The following KLHL2 variants were observed in gnomAD, a reference collection of about 807,000 sequenced individuals.
The protein encoded by KLHL2 is kelch-like protein 2.
Under a neutral mutation model 75.8 loss-of-function variants are expected in KLHL2, and 15 were observed. The observed-to-expected ratio is 0.20, with a 90% CI of 0.13 to 0.30. The LOEUF (loss-of-function observed/expected upper bound fraction) is 0.30. KLHL2 is among the 10% of genes least tolerant of loss of function. The pLI is 1.00. For synonymous variants in KLHL2, 214 were observed against 251.9 expected (o/e 0.85, Z 1.42); for missense variants, 381 against 741.0 (o/e 0.51, Z 5.64).
rs143998710 is a variant in KLHL2 at position 165,218,190 on chromosome 4, A to G, written c.27-1744A>G. On this transcript the variant is annotated intron_variant, in intron 1 of 14. Transcript: ENST00000226725. ...TGACCCGTGTAGAGTGTTCTCAACC[A>G]GCAGCCAAAGTGGTCTTTGGAAAAC... 5.9e-3 allele frequency among the ~76,000 whole-genome samples: 897 copies of G among 152,256 alleles called. 11 individuals carry two copies. Among genetic ancestry groups the G allele is most frequent in the African/African-American group, 0.02 (848 of 41,540 alleles).
intron 2 of KLHL2, among the ~76,000 whole-genome samples, chr4:165,225,457 A>G (rs1738360538): frequency 1.3e-5 from 2 of 152,212 alleles, no homozygotes; most frequent in Admixed American, 6.5e-5. Flanking sequence ...CTAAATAACA[A>G]CTTATTTATA....
intron 13 of KLHL2, 124 bp from the exon 14 acceptor site, chr4:165,317,702 T>G: frequency 1.4e-6 from 1 of 727,812 alleles, no homozygotes; most frequent in Non-Finnish European, 2.3e-6. Flanking sequence ...TGCTCACTAT[T>G]TTCTCTTCTT....
chr4:165,208,012 G>A, intron 1 of KLHL2, 110 bp downstream of exon 1: 1 of 723,606 alleles, frequency 1.4e-6, no homozygotes. Flanking sequence ...CCGGCGGGAG[G>A]TGGGAGATGC....
rs1746832244 is a variant in KLHL2 at position 165,319,764 on chromosome 4, G to A, written c.1753+1795G>A. ...AGCTTCCTGAGTAGCTGGGATTACAGGGATGTGCCACCACACCTGGCTAAT... is the reference window on the plus strand; with the variant it reads ...AGCTTCCTGAGTAGCTGGGATTACAAGGATGTGCCACCACACCTGGCTAAT... On this transcript the variant is annotated intron_variant, in intron 14 of 14. Coordinates refer to ENST00000226725, the MANE Select transcript of KLHL2 (RefSeq NM_007246.4). The surrounding 1 kb of genome is among the most constrained non-coding windows in gnomAD (Gnocchi z 4.5). 6.6e-6 allele frequency among the ~76,000 whole-genome samples: 1 copy of A among 151,984 alleles called. No individual in the cohort carries two copies. Among genetic ancestry groups the A allele is most frequent in the South Asian group, 2.1e-4 (1 of 4,820 alleles).
chr4:165,299,530 C>A lies in KLHL2; in HGVS notation c.795C>A (p.Val265=). The A allele has an allele frequency of 6.2e-7, 1 of 1,612,414 alleles. No individual in the cohort carries two copies. The highest frequency in any genetic ancestry group is 1.1e-5 in the South Asian group (1 of 90,810). ...AGAGGGTTGAAGAGGAAGCATTGGTCAAGAATAGCAGTGCTTGCAAAGATT... is the reference window on the plus strand; with the variant it reads ...AGAGGGTTGAAGAGGAAGCATTGGTAAAGAATAGCAGTGCTTGCAAAGATT... ...LVQRVEEEAL[V]KNSSACKDYL... is the part of the protein sequence containing the mutation. Residue 265 remains valine, a synonymous_variant, in exon 8 of 15, where the codon GTC becomes GTA. Transcript: ENST00000226725.
chr4:165,223,301 G>T (rs1318805378), intron 2 of KLHL2, among the ~76,000 whole-genome samples: 1 of 152,250 alleles, frequency 6.6e-6, no homozygotes, highest in Non-Finnish European at 1.5e-5. Flanking sequence ...CTAGAGAGCT[G>T]CTGGACACAT....
intron 6 of KLHL2, among the ~76,000 whole-genome samples, 173 bp downstream of exon 6, chr4:165,294,641 A>G (rs1224649942): frequency 2.6e-5 from 4 of 152,170 alleles, no homozygotes; most frequent in Non-Finnish European, 5.9e-5. Flanking sequence ...AGGAGAAAAA[A>G]AAGAAACTCA....
At chr4:165,296,694 A>AG (rs916801125) in intron 6 of KLHL2, among the ~76,000 whole-genome samples, 8 of 152,184 alleles carry the variant, frequency 5.3e-5, no homozygotes, top group Non-Finnish European at 1.0e-4. Flanking sequence ...TGATAGAAGC[A>AG]GGGGGGAGAG....
At chr4:165,274,068 T>TTTCTTC (rs1386771756) in intron 5 of KLHL2, among the ~76,000 whole-genome samples, 2 of 151,506 alleles carry the variant, frequency 1.3e-5, no homozygotes, top group Non-Finnish European at 3.0e-5. Flanking sequence ...TATTTTTCTT[T>TTTCTTC]TTCTTTTTCT....
At chr4:165,228,778 T>C (rs1738654896) in intron 2 of KLHL2, 29 bp from the exon 3 acceptor site, 1 of 1,475,368 alleles carries the variant, frequency 6.8e-7, no homozygotes, top group Non-Finnish European at 9.4e-7. Context: ...TGATATCATT[T>C]AAATTTTTTC....
At chr4:165,234,964 A>T (rs1739213435) in intron 3 of KLHL2, among the ~76,000 whole-genome samples, 1 of 152,070 alleles carries the variant, frequency 6.6e-6, no homozygotes, top group Non-Finnish European at 1.5e-5. Flanking sequence ...ACGCAATTGC[A>T]CTTCATCCTG....
At chr4:165,299,698 G>T in intron 8 of KLHL2, 42 bp downstream of exon 8, 3 of 1,502,570 alleles carry the variant, frequency 2.0e-6, no homozygotes, top group Non-Finnish European at 2.7e-6. Flanking sequence ...TCATGCAAAA[G>T]GCTTATAAGT....
chr4:165,240,033 G>T (rs1180462659), intron 4 of KLHL2, among the ~76,000 whole-genome samples: 2 of 152,128 alleles, frequency 1.3e-5, no homozygotes, highest in African/African-American at 2.4e-5. Flanking sequence ...ACAGTGCAAT[G>T]AGTGAACATT....
intron 1 of KLHL2, 128 bp downstream of exon 1, chr4:165,208,030 G>A (rs1736947612): frequency 5.4e-6 from 3 of 555,684 alleles, no homozygotes; most frequent in Non-Finnish European, 7.8e-6. Context: ...TGCGGGGCGT[G>A]ACGAGGCGCT....
intron 2 of KLHL2, among the ~76,000 whole-genome samples, chr4:165,221,630 C>T (rs952803044): frequency 2.2e-4 from 33 of 152,088 alleles, no homozygotes; most frequent in Non-Finnish European, 4.1e-4. Flanking sequence ...GAGTGTTAAG[C>T]GGGAATGTGA....
intron 3 of KLHL2, among the ~76,000 whole-genome samples, chr4:165,236,660 A>T (rs1488539131): frequency 6.6e-6 from 1 of 152,224 alleles, no homozygotes; most frequent in Non-Finnish European, 1.5e-5. Flanking sequence ...AACTTTTACA[A>T]TACTCTTTAG....
At position 165,322,787 on chromosome 4, in the gene KLHL2, A is replaced by G. The variant is rs1348716205; in HGVS notation, c.*727A>G. The G allele has an allele frequency of 2.0e-5, 3 of 152,644 alleles. No individual in the cohort carries two copies. Among genetic ancestry groups the G allele is most frequent in the Non-Finnish European group, 4.4e-5 (3 of 68,038 alleles). 9.5% of individuals were successfully genotyped at this position (152,644 alleles called of 1,614,324 possible). ...GGTGTAACACACTTGAATATGTGTG[A>G]TGCCAAACTTTTTAAAATACAATAT... is the stretch of plus-strand genomic sequence containing the variant. On this transcript the variant is annotated 3_prime_UTR_variant, in exon 15 of 15. Coordinates refer to ENST00000226725, the MANE Select transcript of KLHL2 (RefSeq NM_007246.4).
At chr4:165,265,953 C>A (rs983453707) in intron 5 of KLHL2, among the ~76,000 whole-genome samples, 54 of 152,286 alleles carry the variant, frequency 3.5e-4, no homozygotes, top group African/African-American at 1.3e-3. Flanking sequence ...TAAAAGCATT[C>A]CTATTTCTCC....
In KLHL2 at chr4:165,323,009, A is replaced by T. The variant is rs1455814161; in HGVS notation, c.*949A>T. 3 of 152,618 alleles carry T rather than the reference A, an allele frequency of 2.0e-5. No individual in the cohort carries two copies. The highest frequency in any genetic ancestry group is 7.2e-5 in the African/African-American group (3 of 41,454). 9.5% of individuals were successfully genotyped at this position (152,618 alleles called of 1,614,324 possible). ...TGTGTGTATAAATTTAGCTGCTATT[A>T]ACAGAAGAGAGAACTTTCTGTGAGT... On this transcript the variant is annotated 3_prime_UTR_variant, in exon 15 of 15. Transcript: ENST00000226725.
Sources: allele counts gnomAD v4.1 joint callset (sites outside exome capture counted in the v4.1 genomes callset), GRCh38; gene constraint gnomAD v4.1.1; non-coding constraint Gnocchi (gnomAD v3.1); transcripts MANE v1.5; gene names NCBI Gene and HGNC (gene_info 2026-07-23, HGNC 2026-07-21).